Variants in SIRPG observed in about 807,000 individuals in gnomAD.
SIRPG encodes the protein signal regulatory protein gamma.
SIRPG carries 38 observed loss-of-function variants against 35.7 expected under a neutral mutation model. That is an observed-to-expected ratio of 1.06 (90% CI 0.82 to 1.40). SIRPG has a LOEUF of 1.40. SIRPG is among the 40% of genes most tolerant of loss of function. The probability of loss-of-function intolerance (pLI) is 0.00; values close to 1 mark genes in which losing one functional copy is unlikely to be tolerated. For missense variants in SIRPG, 519 were observed against 483.0 expected (o/e 1.07, Z -0.70); for synonymous variants, 215 against 190.4 (o/e 1.13, Z -1.06).
chr20:1,669,978 C>T, the SIRPG span: 5 of 239,844 alleles, frequency 2.1e-5, no homozygotes, highest in Admixed American at 2.1e-4. Flanking sequence ...CTTTTGCTGA[C>T]CACCAGCTGC....
At chr20:1,684,510 C>T in the SIRPG span, among the ~76,000 whole-genome samples, 2 of 152,064 alleles carry the variant, frequency 1.3e-5, no homozygotes, top group South Asian at 4.1e-4. Context: ...AATTATGAAA[C>T]CTGTTAAAAT....
intron 2 of SIRPG, among the ~76,000 whole-genome samples, chr20:1,641,049 G>A (rs1466723207): frequency 6.6e-6 from 1 of 152,132 alleles, no homozygotes; most frequent in African/African-American, 2.4e-5. Flanking sequence ...ATGTTTATCA[G>A]GGATACTGGC....
chr20:1,644,653 T>C (rs1568731887), intron 2 of SIRPG, among the ~76,000 whole-genome samples: 1 of 152,228 alleles, frequency 6.6e-6, no homozygotes, highest in Non-Finnish European at 1.5e-5. Context: ...TCTGTGCAGC[T>C]CTGCGGTTGA....
upstream of SIRPG, among the ~76,000 whole-genome samples, chr20:1,661,832 C>T (rs989723125): frequency 4.6e-5 from 7 of 152,170 alleles, no homozygotes; most frequent in Non-Finnish European, 8.8e-5. Context: ...GGAGAGAGGT[C>T]CACTGCCCCA....
chr20:1,675,822 C>T, the SIRPG span, among the ~76,000 whole-genome samples: 1 of 152,196 alleles, frequency 6.6e-6, no homozygotes, highest in Non-Finnish European at 1.5e-5. Flanking sequence ...GCTTCAACCT[C>T]AAAGAGCATG....
the SIRPG span, among the ~76,000 whole-genome samples, chr20:1,678,100 C>T: frequency 1.3e-5 from 2 of 152,034 alleles, no homozygotes; most frequent in South Asian, 4.1e-4. Flanking sequence ...TGTTCTTTGC[C>T]TTTACTAATT....
the SIRPG span, chr20:1,671,107 G>C: frequency 5.1e-5 from 22 of 429,828 alleles, no homozygotes; most frequent in Middle Eastern, 4.1e-4. Flanking sequence ...GTTTCAGGGG[G>C]AGAAGCCGTG....
At chr20:1,653,024 C>T (rs1022589950) in intron 1 of SIRPG, among the ~76,000 whole-genome samples, 1 of 152,108 alleles carries the variant, frequency 6.6e-6, no homozygotes, top group African/African-American at 2.4e-5. Flanking sequence ...AAATGAGTTT[C>T]CCATGTAGAG....
chr20:1,663,691 A>G, the SIRPG span, among the ~76,000 whole-genome samples: 1 of 152,238 alleles, frequency 6.6e-6, no homozygotes, highest in Admixed American at 6.5e-5. Context: ...GGCATAATTG[A>G]ATGTTGCGTG....
At chr20:1,662,137 G>T (rs779181570), upstream of SIRPG, among the ~76,000 whole-genome samples, 29 of 152,294 alleles carry the variant, frequency 1.9e-4, no homozygotes, top group Non-Finnish European at 3.4e-4. Flanking sequence ...GAGGTCACAG[G>T]GCAAACCACT....
intron 2 of SIRPG, among the ~76,000 whole-genome samples, chr20:1,637,930 A>G (rs1436472747): frequency 6.6e-6 from 1 of 152,222 alleles, no homozygotes; most frequent in African/African-American, 2.4e-5. Flanking sequence ...CACCTCCTAT[A>G]GCAGTCATCA....
chr20:1,651,788 G>A (rs2091941749), intron 1 of SIRPG, among the ~76,000 whole-genome samples: 1 of 152,002 alleles, frequency 6.6e-6, no homozygotes, highest in South Asian at 2.1e-4. Context: ...GCCTTTTGGA[G>A]TGCTGCCAAG....
At chr20:1,667,896 C>T in the SIRPG span, among the ~76,000 whole-genome samples, 1 of 152,134 alleles carries the variant, frequency 6.6e-6, no homozygotes, top group African/African-American at 2.4e-5. Context: ...ATTAGAATGC[C>T]AATGCTGAGT....
intron 2 of SIRPG, among the ~76,000 whole-genome samples, chr20:1,644,710 C>T (rs185706209): frequency 2.6e-5 from 4 of 152,320 alleles, no homozygotes; most frequent in Admixed American, 6.5e-5. Flanking sequence ...TGGGATCTCC[C>T]GATCTGAGGG....
At chr20:1,674,665 C>T in the SIRPG span, among the ~76,000 whole-genome samples, 2 of 152,196 alleles carry the variant, frequency 1.3e-5, no homozygotes, top group African/African-American at 4.8e-5. Flanking sequence ...CCCATCCTCA[C>T]AGAACCCAGA....
At chr20:1,638,992 T>C (rs1345767377) in intron 2 of SIRPG, among the ~76,000 whole-genome samples, 1 of 152,234 alleles carries the variant, frequency 6.6e-6, no homozygotes, top group African/African-American at 2.4e-5. Context: ...GGTGTATATG[T>C]ACCACCTTTT....
At chr20:1,660,656 T>G (rs763534058), upstream of SIRPG, among the ~76,000 whole-genome samples, 6 of 152,156 alleles carry the variant, frequency 3.9e-5, no homozygotes, top group Non-Finnish European at 7.4e-5. Flanking sequence ...AATTTAAATT[T>G]AGGTGACTTG....
At chr20:1,641,071 T>A (rs2091848331) in intron 2 of SIRPG, among the ~76,000 whole-genome samples, 1 of 152,190 alleles carries the variant, frequency 6.6e-6, no homozygotes, top group African/African-American at 2.4e-5. Context: ...TGATGTTTTC[T>A]TTTTTTGTTC....
At chr20:1,635,647 CA>C (rs2091792675) in intron 3 of SIRPG, 48 bp from the exon 4 acceptor site, 2 of 1,584,980 alleles carry the variant, frequency 1.3e-6, no homozygotes, top group Admixed American at 3.4e-5. Flanking sequence ...ACAGACAGAT[CA>C]CAGGGAGGGC....
Sources: allele counts gnomAD v4.1 joint callset (sites outside exome capture counted in the v4.1 genomes callset), GRCh38; gene constraint gnomAD v4.1.1; transcripts MANE v1.5; gene names NCBI Gene and HGNC (gene_info 2026-07-23, HGNC 2026-07-21).